ZRANB2: variants seen among roughly 807,000 people sequenced by gnomAD.
ZRANB2 encodes the protein zinc finger Ran-binding domain-containing protein 2.
ZRANB2 carries 19 observed loss-of-function variants against 53.4 expected under a neutral mutation model. That is an observed-to-expected ratio of 0.36 (90% confidence interval 0.25 to 0.52). The LOEUF (loss-of-function observed/expected upper bound fraction) is 0.52. ZRANB2 is among the 20% of genes least tolerant of loss of function. The pLI, the probability that ZRANB2 is intolerant of heterozygous loss-of-function variation, is 0.93. For missense variants in ZRANB2, 309 were observed against 401.1 expected, an observed-to-expected ratio of 0.77 and a Z score of 1.96; for synonymous variants, 145 against 134.8, an observed-to-expected ratio of 1.08 and a Z score of -0.52.
chr1:71,065,775 C>A (rs1396919116), intron 9 of ZRANB2: 1 of 1,611,574 alleles, frequency 6.2e-7, no homozygotes, highest in Non-Finnish European at 8.5e-7. Context: ...AGAACATGTT[C>A]ATTAAGTTTA....
At chr1:71,068,271 C>A (rs1295037948) in intron 8 of ZRANB2, among the ~76,000 whole-genome samples, 1 of 152,164 alleles carries the variant, frequency 6.6e-6, no homozygotes, top group Non-Finnish European at 1.5e-5. Context: ...TGATTCAAAG[C>A]AGCAAATACT....
At chr1:71,075,835 G>A (rs1286077974) in intron 4 of ZRANB2, among the ~76,000 whole-genome samples, 6 of 151,684 alleles carry the variant, frequency 4.0e-5, no homozygotes, top group African/African-American at 1.5e-4. Context: ...TGGCGGTTGG[G>A]CTGGGGAAGG....
chr1:71,067,007 A>G (rs956986571), intron 8 of ZRANB2, 73 bp from the exon 9 acceptor site: 2 of 1,400,468 alleles, frequency 1.4e-6, no homozygotes, highest in Admixed American at 5.5e-5. Flanking sequence ...GTTATCAGAT[A>G]GCTCCAAAAA....
At chr1:71,066,586 T>G (rs1661444379) in intron 9 of ZRANB2, 190 bp downstream of exon 9, 1 of 450,954 alleles carries the variant, frequency 2.2e-6, no homozygotes, top group Non-Finnish European at 3.8e-6. Context: ...AATGGTTTGA[T>G]CTACAATTCT....
intron 7 of ZRANB2, among the ~76,000 whole-genome samples, chr1:71,070,419 T>G (rs2101045207): frequency 6.6e-6 from 1 of 152,266 alleles, no homozygotes; most frequent in South Asian, 2.1e-4. Flanking sequence ...TTAAAAACAT[T>G]ATGTAATAAG....
Position 71,069,371 on chromosome 1 carries a change from A to G in ZRANB2, c.684-9T>C. On this transcript the variant is annotated splice_polypyrimidine_tract_variant and intron_variant, in intron 7 of 9. Transcript: ENST00000370920. ...AACTTCTTGAACGGGACCTGGAACA[A>G]CATGGAACGATTTTTTTTTTCCAGG... The G allele has an allele frequency of 6.2e-7, 1 of 1,611,688 alleles. No individual in the cohort carries two copies. The highest frequency in any genetic ancestry group is 1.1e-5 in the South Asian group (1 of 90,700).
intron 4 of ZRANB2, among the ~76,000 whole-genome samples, chr1:71,074,624 TAA>T (rs1372661765): frequency 3.3e-5 from 5 of 151,506 alleles, no homozygotes; most frequent in South Asian, 2.1e-4. Context: ...CACAATGTAC[TAA>T]GTTTGTTTTT....
At chr1:71,067,813 T>C (rs1373753701) in intron 8 of ZRANB2, 1 of 358,982 alleles carries the variant, frequency 2.8e-6, no homozygotes, top group Non-Finnish European at 5.4e-6. Flanking sequence ...TTTTTACCTA[T>C]AAAGCGCTTA....
At chr1:71,075,688 G>A (rs763036194) in intron 4 of ZRANB2, among the ~76,000 whole-genome samples, 1 of 151,942 alleles carries the variant, frequency 6.6e-6, no homozygotes, top group Non-Finnish European at 1.5e-5. Flanking sequence ...GTTGGTGGGG[G>A]CGGTGAAGGA....
chr1:71,069,480 A>C, intron 7 of ZRANB2, 118 bp from the exon 8 acceptor site: 2 of 634,028 alleles, frequency 3.2e-6, no homozygotes, highest in South Asian at 2.2e-5. Flanking sequence ...ATAACTATAC[A>C]AGATATATAC....
At chr1:71,075,297 C>T (rs571771969) in intron 4 of ZRANB2, among the ~76,000 whole-genome samples, 1 of 152,118 alleles carries the variant, frequency 6.6e-6, no homozygotes, top group Admixed American at 6.6e-5. Flanking sequence ...CAAGAAAGGG[C>T]TATTTAGGCT....
At chr1:71,073,209 ACAATT>A (rs1458761469) in intron 4 of ZRANB2, among the ~76,000 whole-genome samples, 2 of 152,126 alleles carry the variant, frequency 1.3e-5, no homozygotes, top group South Asian at 2.1e-4. Flanking sequence ...ACCAATGTAT[ACAATT>A]CAATTGGCAG....
chr1:71,072,410 A>T, intron 5 of ZRANB2, 62 bp downstream of exon 5: 1 of 1,524,902 alleles, frequency 6.6e-7, no homozygotes, highest in South Asian at 1.2e-5. Flanking sequence ...TTTCCTTTGC[A>T]TTTAAGAATT....
intron 9 of ZRANB2, chr1:71,066,520 G>A (rs1156872529): frequency 3.1e-6 from 1 of 324,830 alleles, no homozygotes; most frequent in Admixed American, 5.0e-5. Context: ...ATAACCGAGA[G>A]TTGGCTATAA....
chr1:71,067,324 T>C (rs1573050688), intron 8 of ZRANB2: 1 of 195,386 alleles, frequency 5.1e-6, no homozygotes. Context: ...ATGTATCTTA[T>C]ATACCACTTC....
intron 9 of ZRANB2, 96 bp from the exon 10 acceptor site, chr1:71,065,233 C>CAGTG: frequency 1.1e-6 from 1 of 930,006 alleles, no homozygotes; most frequent in Non-Finnish European, 1.6e-6. Flanking sequence ...AAATTCAGTA[C>CAGTG]CATGATGCTA....
chr1:71,071,214 C>A (rs1234272141), intron 6 of ZRANB2, among the ~76,000 whole-genome samples: 1 of 152,118 alleles, frequency 6.6e-6, no homozygotes, highest in Non-Finnish European at 1.5e-5. Context: ...GGAGGCCATA[C>A]ACACTTTTTC....
chr1:71,070,769 TAA>T (rs1477065354), intron 7 of ZRANB2, 56 bp downstream of exon 7: 47 of 1,067,196 alleles, frequency 4.4e-5, no homozygotes, highest in Non-Finnish European at 5.9e-5. Context: ...AATTTATAAA[TAA>T]AAAAGTTAGA....
At chr1:71,067,033 A>G in intron 8 of ZRANB2, 99 bp from the exon 9 acceptor site, 3 of 1,219,918 alleles carry the variant, frequency 2.5e-6, no homozygotes, top group Non-Finnish European at 3.3e-6. Context: ...AGGATTTATA[A>G]CAACTATGAA....
Sources: allele counts gnomAD v4.1 joint callset (sites outside exome capture counted in the v4.1 genomes callset), GRCh38; gene constraint gnomAD v4.1.1; transcripts MANE v1.5; gene names NCBI Gene and HGNC (gene_info 2026-07-23, HGNC 2026-07-21).